Variants in MED27 observed in about 807,000 individuals in gnomAD.
MED27 encodes mediator complex subunit 27.
Under a neutral mutation model 38.2 loss-of-function variants are expected in MED27, and 30 were observed. The observed-to-expected ratio is 0.79, with a 90% CI of 0.59 to 1.07. The LOEUF is 1.07. Ranked by LOEUF, MED27 falls within the 50% of genes least tolerant of loss-of-function variation. MED27 has a pLI of 0.00. For missense variants in MED27, 289 were observed against 397.5 expected (o/e 0.73, Z 2.32); for synonymous variants, 122 against 153.5 (o/e 0.79, Z 1.52).
intron 2 of MED27, among the ~76,000 whole-genome samples, chr9:132,031,046 T>C (rs186466732): frequency 3.9e-5 from 6 of 152,370 alleles, no homozygotes; most frequent in Non-Finnish European, 7.3e-5. Flanking sequence ...CACTGCAGAA[T>C]TTCCAAAGAC....
chr9:131,865,096 C>T lies in MED27; in HGVS notation c.724-1956G>A, dbSNP rs1015201228. Among the ~76,000 whole-genome samples the T allele has an allele frequency of 5.9e-5, 9 of 152,226 alleles. 1 individual carries two copies. The South Asian group carries it at 1.9e-3, about 32-fold the overall frequency. On this transcript the variant is annotated intron_variant, in intron 6 of 7. Transcript: ENST00000292035. ...AAGTAAACTTAAAAACGCCCACCCA[C>T]CAAAGGCCATGTACCATAAACACCT...
chr9:132,036,379 A>G (rs897880725), intron 2 of MED27, among the ~76,000 whole-genome samples: 10 of 151,768 alleles, frequency 6.6e-5, no homozygotes, highest in African/African-American at 2.2e-4. Flanking sequence ...AATTGTTTCT[A>G]TTTTCTTGTA....
At chr9:131,993,127 T>C (rs1365262039) in intron 3 of MED27, among the ~76,000 whole-genome samples, 1 of 152,172 alleles carries the variant, frequency 6.6e-6, no homozygotes, top group African/African-American at 2.4e-5. Context: ...TGACTGTAAA[T>C]TCCTGAGAAC....
intron 6 of MED27, among the ~76,000 whole-genome samples, chr9:131,878,526 A>G (rs1838977900): frequency 6.6e-6 from 1 of 152,022 alleles, no homozygotes; most frequent in African/African-American, 2.4e-5. Context: ...TCTGATGAGA[A>G]AGCTGCAAAG....
At chr9:131,873,174 A>G (rs546990510) in intron 6 of MED27, among the ~76,000 whole-genome samples, 1 of 152,082 alleles carries the variant, frequency 6.6e-6, no homozygotes, top group East Asian at 1.9e-4. Context: ...GAAGGAGAAA[A>G]CTCTTTGTGG....
At chr9:132,057,331 A>G (rs1426457846) in intron 2 of MED27, among the ~76,000 whole-genome samples, 2 of 152,182 alleles carry the variant, frequency 1.3e-5, no homozygotes, top group Non-Finnish European at 2.9e-5. Flanking sequence ...AATCTAGTCT[A>G]GATTCACAAG....
At chr9:131,903,479 C>T (rs1265155932) in intron 4 of MED27, among the ~76,000 whole-genome samples, 2 of 152,156 alleles carry the variant, frequency 1.3e-5, no homozygotes, top group Non-Finnish European at 2.9e-5. Flanking sequence ...CCCCTCGGCA[C>T]AGGGAAAGGC....
intron 2 of MED27, among the ~76,000 whole-genome samples, chr9:132,055,936 C>T (rs1833566150): frequency 6.6e-6 from 1 of 152,174 alleles, no homozygotes; most frequent in African/African-American, 2.4e-5. Flanking sequence ...CAGCTGCCAG[C>T]TTAGGCCCAT....
At chr9:132,033,869 T>C (rs1161365779) in intron 2 of MED27, among the ~76,000 whole-genome samples, 1 of 152,234 alleles carries the variant, frequency 6.6e-6, no homozygotes, top group Non-Finnish European at 1.5e-5. Flanking sequence ...AAATACACTA[T>C]TTGTATTTTG....
intron 3 of MED27, among the ~76,000 whole-genome samples, chr9:131,956,598 G>C (rs1419459112): frequency 6.7e-6 from 1 of 148,694 alleles, no homozygotes; most frequent in Admixed American, 6.7e-5. Flanking sequence ...CTGGGTGACA[G>C]AGTGAGACTC....
At chr9:131,943,236 G>C (rs1830818572) in intron 3 of MED27, among the ~76,000 whole-genome samples, 1 of 152,112 alleles carries the variant, frequency 6.6e-6, no homozygotes, top group Admixed American at 6.5e-5. Context: ...AAATTCTCGA[G>C]GCAAAAATCA....
intron 4 of MED27, among the ~76,000 whole-genome samples, chr9:131,908,677 A>T (rs1201159250): frequency 6.6e-6 from 1 of 152,174 alleles, no homozygotes. Flanking sequence ...GCTTGAAGGC[A>T]GCATGCTCGT....
At chr9:132,014,784 A>C (rs1319222846) in intron 2 of MED27, among the ~76,000 whole-genome samples, 1 of 152,250 alleles carries the variant, frequency 6.6e-6, no homozygotes, top group Non-Finnish European at 1.5e-5. Flanking sequence ...ATTTTGTTGA[A>C]TTAAAAGAAA....
chr9:132,042,161 G>C (rs1833229443), intron 2 of MED27, among the ~76,000 whole-genome samples: 1 of 152,144 alleles, frequency 6.6e-6, no homozygotes, highest in South Asian at 2.1e-4. Context: ...CAGGATCTGG[G>C]ACTCAGTTTC....
At chr9:131,929,992 T>C (rs561036115) in intron 4 of MED27, among the ~76,000 whole-genome samples, 40 of 152,270 alleles carry the variant, frequency 2.6e-4, no homozygotes, top group African/African-American at 9.4e-4. Context: ...GCCACAGTGG[T>C]GTTTGCATCA....
chr9:131,968,102 G>A (rs1052337964), intron 3 of MED27, among the ~76,000 whole-genome samples: 8 of 152,134 alleles, frequency 5.3e-5, no homozygotes, highest in African/African-American at 1.9e-4. Flanking sequence ...TTACAGGCGT[G>A]AGCCACCACC....
chr9:131,883,084 T>A lies in MED27; in HGVS notation c.723+974A>T, dbSNP rs1839077024. Among the ~76,000 whole-genome samples the A allele has an allele frequency of 6.6e-6, 1 of 152,154 alleles. No individual in the cohort carries two copies. Among genetic ancestry groups the A allele is most frequent in the South Asian group, 2.1e-4 (1 of 4,824 alleles). On this transcript the variant is annotated intron_variant, in intron 6 of 7. Transcript: ENST00000292035. The surrounding 1 kb of genome is among the most constrained non-coding windows in gnomAD (Gnocchi z 4.2). ...CACCATGCCCGGCTAATTTTATATTTTTAGTACAGACAGGGTTTTGCCATA... is the reference window on the plus strand; with the variant it reads ...CACCATGCCCGGCTAATTTTATATTATTAGTACAGACAGGGTTTTGCCATA...
At chr9:131,897,626 C>G (rs552066966) in intron 4 of MED27, among the ~76,000 whole-genome samples, 1 of 152,218 alleles carries the variant, frequency 6.6e-6, no homozygotes, top group East Asian at 1.9e-4. Context: ...AGAAGAGTAA[C>G]ACAGGGAGGG....
intron 2 of MED27, among the ~76,000 whole-genome samples, chr9:132,029,145 G>A (rs1832893181): frequency 6.6e-6 from 1 of 152,188 alleles, no homozygotes; most frequent in African/African-American, 2.4e-5. Flanking sequence ...GCCATTTCAT[G>A]CATGTATTGT....
Sources: gnomAD v4.1 joint callset for allele counts (sites outside exome capture counted in the v4.1 genomes callset) on GRCh38, gnomAD v4.1.1 for gene constraint, Gnocchi (gnomAD v3.1) non-coding constraint, MANE v1.5 for transcripts, NCBI Gene and HGNC (gene_info 2026-07-23, HGNC 2026-07-21) for gene names.